The following ESRRG variants were observed in gnomAD, a reference collection of about 807,000 sequenced individuals.
The protein encoded by ESRRG is estrogen related receptor gamma, also known as estrogen-related receptor gamma.
Under a neutral mutation model 44.0 loss-of-function variants are expected in ESRRG, and 13 were observed. The ratio of observed to expected loss-of-function variants is 0.30; its 90% CI spans 0.19 to 0.47. The LOEUF (loss-of-function observed/expected upper bound fraction) is 0.47. Ranked by LOEUF, ESRRG falls within the 20% of genes least tolerant of loss-of-function variation. The pLI, the probability that ESRRG is intolerant of heterozygous loss-of-function variation, is 1.00. For missense variants in ESRRG, 395 were observed against 580.6 expected (o/e 0.68, Z 3.29); for synonymous variants, 215 against 214.6 (o/e 1.00, Z -0.02).
chr1:216,733,860 G>C (rs547324693), intron 2 of ESRRG, among the ~76,000 whole-genome samples: 1 of 151,994 alleles, frequency 6.6e-6, no homozygotes, highest in East Asian at 1.9e-4. Flanking sequence ...TGTGGTGGTG[G>C]GTGCCTGTAA....
chr1:216,673,687 T>C (rs994016332), intron 2 of ESRRG, among the ~76,000 whole-genome samples: 4 of 152,258 alleles, frequency 2.6e-5, no homozygotes, highest in Non-Finnish European at 4.4e-5. Flanking sequence ...ATTGCAGAGC[T>C]ATTAATGTCT....
At chr1:216,617,455 T>C (rs1198058399) in intron 3 of ESRRG, among the ~76,000 whole-genome samples, 1 of 150,980 alleles carries the variant, frequency 6.6e-6, no homozygotes, top group East Asian at 1.9e-4. Flanking sequence ...AAGCAAATCA[T>C]AGGCATATTA....
At chr1:216,844,752 A>G (rs1246033007) in intron 2 of ESRRG, among the ~76,000 whole-genome samples, 5 of 141,390 alleles carry the variant, frequency 3.5e-5, no homozygotes, top group Non-Finnish European at 7.6e-5. Flanking sequence ...GTTTCTTCAT[A>G]GCATTCGTGC....
chr1:217,137,126 A>G (rs2093060730), intron 1 of ESRRG, among the ~76,000 whole-genome samples: 1 of 152,144 alleles, frequency 6.6e-6, no homozygotes, highest in Non-Finnish European at 1.5e-5. Flanking sequence ...CCTCTGCCCA[A>G]TGCCAGCAGC....
chr1:217,015,731 A>AATTTTTTTTTT (rs759911532), intron 1 of ESRRG, among the ~76,000 whole-genome samples: 16 of 142,136 alleles, frequency 1.1e-4, no homozygotes, highest in South Asian at 2.2e-4. Flanking sequence ...GGGCAGCTAG[A>AATTTTTTTTTT]TTTTTTTTTT....
At chr1:216,713,749 C>T (rs2084163159) in intron 1 of ESRRG, among the ~76,000 whole-genome samples, 1 of 152,192 alleles carries the variant, frequency 6.6e-6, no homozygotes, top group Admixed American at 6.6e-5. Context: ...AAAAGCACCC[C>T]TCCTATTTAA....
chr1:216,625,423 C>CAAAAAAAAAAAAAAAAAAAA (rs57817803), intron 3 of ESRRG, among the ~76,000 whole-genome samples: 1 of 115,692 alleles, frequency 8.6e-6, no homozygotes, highest in East Asian at 2.8e-4. Context: ...GCTCATTTGG[C>CAAAAAAAAAAAAAAAAAAAA]AAAAAAAAAA....
intron 2 of ESRRG, among the ~76,000 whole-genome samples, chr1:216,757,361 G>A (rs1310141550): frequency 3.9e-5 from 6 of 151,958 alleles, no homozygotes. Flanking sequence ...TAAAACTGCT[G>A]TGAAAAAGCC....
At chr1:216,936,590 C>T (rs2064186621) in intron 2 of ESRRG, 1 of 151,876 alleles carries the variant, frequency 6.6e-6, no homozygotes, top group South Asian at 2.1e-4. Context: ...TTTTAAACTC[C>T]AAGCATGATA....
chr1:216,780,378 A>C lies in ESRRG; in HGVS notation c.-13-102887T>G, dbSNP rs550770339. Among the ~76,000 whole-genome samples, 8 of 152,194 alleles carry C rather than the reference A, an allele frequency of 5.3e-5. No individual in the cohort carries two copies. The South Asian group carries it at 1.7e-3, about 32-fold the overall frequency. ...TTCTCTTTCCCTGACAGAAGTTATCAGGATGGACCCTGGGAATGCCTGGAG... is the reference window on the plus strand; with the variant it reads ...TTCTCTTTCCCTGACAGAAGTTATCCGGATGGACCCTGGGAATGCCTGGAG... On this transcript the variant is annotated intron_variant, in intron 2 of 7. Coordinates refer to the ESRRG transcript ENST00000359162.
chr1:216,570,566 T>C (rs1037539152), intron 3 of ESRRG, among the ~76,000 whole-genome samples: 1 of 152,210 alleles, frequency 6.6e-6, no homozygotes, highest in African/African-American at 2.4e-5. Flanking sequence ...TAAGATACAT[T>C]CAAACCTCTT....
intron 5 of ESRRG, among the ~76,000 whole-genome samples, chr1:216,538,824 TTAAA>T: frequency 6.6e-6 from 1 of 152,166 alleles, no homozygotes. Context: ...AAGATGTTTA[TTAAA>T]TAAAGTCCAT....
chr1:216,920,510 A>G (rs1312463273), intron 2 of ESRRG, among the ~76,000 whole-genome samples: 1 of 152,104 alleles, frequency 6.6e-6, no homozygotes, highest in East Asian at 1.9e-4. Context: ...AGATGAGAAT[A>G]TTTAATGACG....
At chr1:216,589,256 C>A (rs1000677755) in intron 3 of ESRRG, among the ~76,000 whole-genome samples, 1 of 152,166 alleles carries the variant, frequency 6.6e-6, no homozygotes, top group African/African-American at 2.4e-5. Context: ...GTAGAACAAG[C>A]TTATCCGACC....
At chr1:216,513,792 AG>A (rs1042473359) in intron 6 of ESRRG, among the ~76,000 whole-genome samples, 1 of 152,026 alleles carries the variant, frequency 6.6e-6, no homozygotes, top group African/African-American at 2.4e-5. Flanking sequence ...ACACTTTTCC[AG>A]GGGGTTTTTA....
chr1:216,692,894 G>A (rs1399217512), intron 1 of ESRRG, among the ~76,000 whole-genome samples: 1 of 152,194 alleles, frequency 6.6e-6, no homozygotes, highest in African/African-American at 2.4e-5. Flanking sequence ...AGGTGTGTAG[G>A]GGGCTATATG....
intron 1 of ESRRG, among the ~76,000 whole-genome samples, chr1:217,130,367 G>C (rs764145437): frequency 6.6e-6 from 1 of 152,082 alleles, no homozygotes; most frequent in African/African-American, 2.4e-5. Context: ...TGAGTAGCTC[G>C]GACTACAGGC....
intron 1 of ESRRG, among the ~76,000 whole-genome samples, chr1:216,947,600 A>G (rs1312263292): frequency 6.6e-6 from 1 of 152,184 alleles, no homozygotes; most frequent in Admixed American, 6.5e-5. Context: ...AAACTGGCAA[A>G]CAATACAAAT....
chr1:216,854,973 C>A (rs1052042999), intron 2 of ESRRG: 2 of 152,166 alleles, frequency 1.3e-5, no homozygotes, highest in Non-Finnish European at 2.9e-5. Flanking sequence ...TTTGGTCACA[C>A]TGAGCAATCC....
Sources: allele counts gnomAD v4.1 joint callset (sites outside exome capture counted in the v4.1 genomes callset), GRCh38; gene constraint gnomAD v4.1.1; transcripts MANE v1.5; gene names NCBI Gene and HGNC (gene_info 2026-07-23, HGNC 2026-07-21).